PTGER4: variants seen among roughly 807,000 people sequenced by gnomAD.
PTGER4 encodes the protein prostaglandin E receptor 4, also known as prostaglandin E2 receptor EP4 subtype.
Under a neutral mutation model 33.2 loss-of-function variants are expected in PTGER4, and 11 were observed. That is an observed-to-expected ratio of 0.33 (90% CI 0.21 to 0.55). The LOEUF (loss-of-function observed/expected upper bound fraction) is 0.55, where lower values mean the gene tolerates loss of function less well. Ranked by LOEUF, PTGER4 falls within the 20% of genes least tolerant of loss-of-function variation. The probability of loss-of-function intolerance (pLI) is 0.92; values close to 1 mark genes in which losing one functional copy is unlikely to be tolerated. For synonymous variants in PTGER4, 275 were observed against 281.5 expected (o/e 0.98, Z 0.23); for missense variants, 481 against 650.2 (o/e 0.74, Z 2.83).
chr5:40,685,372 T>C (rs967804098), intron 2 of PTGER4: 2 of 984,444 alleles, frequency 2.0e-6, no homozygotes, highest in Non-Finnish European at 2.4e-6. Context: ...TGTAAATAGA[T>C]ATGCTTTTGT....
the PTGER4 span, among the ~76,000 whole-genome samples, chr5:40,722,749 C>T: frequency 1.2e-4 from 18 of 151,426 alleles, no homozygotes; most frequent in East Asian, 1.4e-3. Flanking sequence ...AGCCCCTGCC[C>T]GGCCAGACGC....
chr5:40,695,165 C>A (rs768128058), downstream of PTGER4, among the ~76,000 whole-genome samples: 2 of 152,188 alleles, frequency 1.3e-5, no homozygotes, highest in Non-Finnish European at 2.9e-5. Flanking sequence ...AATCTCAACA[C>A]TTTGGGAGGC....
At chr5:40,682,671 C>T (rs1741228795) in intron 2 of PTGER4, among the ~76,000 whole-genome samples, 1 of 152,150 alleles carries the variant, frequency 6.6e-6, no homozygotes, top group Admixed American at 6.5e-5. Flanking sequence ...TTTGAATTCT[C>T]GACAACTGTG....
chr5:40,706,576 A>C, the PTGER4 span, among the ~76,000 whole-genome samples: 2 of 148,926 alleles, frequency 1.3e-5, no homozygotes, highest in South Asian at 2.2e-4. Context: ...GAAATGGATC[A>C]TAGGCCTAAT....
At chr5:40,722,359 G>C in the PTGER4 span, among the ~76,000 whole-genome samples, 4 of 152,132 alleles carry the variant, frequency 2.6e-5, no homozygotes, top group Non-Finnish European at 5.9e-5. Context: ...GTCTCTGCCT[G>C]GCCGCCCATC....
At position 40,681,287 on chromosome 5, in the gene PTGER4, T is replaced by C. The variant is rs573611048; in HGVS notation, c.294T>C (p.Ile98=). Residue 98 remains isoleucine, a synonymous_variant, in exon 2 of 3, where the codon ATT becomes ATC. Coordinates refer to ENST00000302472, the MANE Select transcript of PTGER4 (RefSeq NM_000958.3). The surrounding 1 kb of genome is among the most constrained non-coding windows in gnomAD (Gnocchi z 9.8). ...CGCTGTGCGAGTACAGCACCTTCATTCTGCTCTTCTTCAGCCTGTCCGGCC... is the reference window on the plus strand; with the variant it reads ...CGCTGTGCGAGTACAGCACCTTCATCCTGCTCTTCTTCAGCCTGTCCGGCC... The part of the protein sequence containing the change: ...GQPLCEYSTF[I]LLFFSLSGLS... The C allele has an allele frequency of 1.2e-6, 2 of 1,614,178 alleles. No individual in the cohort carries two copies. Among genetic ancestry groups the C allele is most frequent in the East Asian group, 2.2e-5 (1 of 44,880 alleles).
At chr5:40,707,300 G>A in the PTGER4 span, among the ~76,000 whole-genome samples, 2,475 of 152,136 alleles carry the variant, frequency 0.016, 29 homozygotes, top group Middle Eastern at 0.027. Context: ...CACGTGCAGA[G>A]ACACACATAG....
the PTGER4 span, among the ~76,000 whole-genome samples, chr5:40,740,111 T>C: frequency 6.6e-6 from 1 of 152,158 alleles, no homozygotes; most frequent in African/African-American, 2.4e-5. Context: ...ATTACAATTG[T>C]TATATATTTA....
the PTGER4 span, among the ~76,000 whole-genome samples, chr5:40,722,210 G>A: frequency 9.2e-5 from 14 of 151,620 alleles, no homozygotes; most frequent in South Asian, 4.3e-4. Flanking sequence ...GTCTCAACTC[G>A]CTCACTCAGT....
the PTGER4 span, among the ~76,000 whole-genome samples, chr5:40,726,967 T>C: frequency 1.3e-5 from 2 of 152,180 alleles, no homozygotes; most frequent in African/African-American, 4.8e-5. Context: ...CAGTGCTAAA[T>C]GGCAAGAAAA....
chr5:40,685,857 T>G (rs1467604002), intron 2 of PTGER4, among the ~76,000 whole-genome samples: 1 of 152,186 alleles, frequency 6.6e-6, no homozygotes, highest in Non-Finnish European at 1.5e-5. Context: ...ATTGAATATC[T>G]CCTAACAAGA....
the PTGER4 span, among the ~76,000 whole-genome samples, chr5:40,736,319 G>T: frequency 6.6e-6 from 1 of 152,162 alleles, no homozygotes; most frequent in African/African-American, 2.4e-5. Flanking sequence ...CAGAATGTGG[G>T]TCACACAGCA....
At chr5:40,712,771 T>C in the PTGER4 span, among the ~76,000 whole-genome samples, 3 of 152,170 alleles carry the variant, frequency 2.0e-5, no homozygotes, top group South Asian at 6.2e-4. Flanking sequence ...TTAGAATTCC[T>C]TGGTAAATGG....
the PTGER4 span, among the ~76,000 whole-genome samples, chr5:40,732,922 C>A: frequency 4.6e-5 from 7 of 152,032 alleles, no homozygotes; most frequent in Non-Finnish European, 7.4e-5. Flanking sequence ...ATAACAGATT[C>A]TATCTACCTC....
At chr5:40,720,071 T>C in the PTGER4 span, among the ~76,000 whole-genome samples, 2 of 152,232 alleles carry the variant, frequency 1.3e-5, no homozygotes, top group African/African-American at 4.8e-5. Flanking sequence ...TTTTTTCTTT[T>C]GTTGTTTGTG....
the PTGER4 span, among the ~76,000 whole-genome samples, chr5:40,743,797 T>C: frequency 1.3e-5 from 2 of 152,190 alleles, no homozygotes. Context: ...TCTTTGTAGT[T>C]ATTTTCTAAA....
chr5:40,696,259 T>G (rs571879107), downstream of PTGER4, among the ~76,000 whole-genome samples: 1 of 152,324 alleles, frequency 6.6e-6, no homozygotes, highest in African/African-American at 2.4e-5. Flanking sequence ...CAAATGTTAA[T>G]GCAGAAAAAT....
chr5:40,719,474 C>T, the PTGER4 span, among the ~76,000 whole-genome samples: 1 of 152,040 alleles, frequency 6.6e-6, no homozygotes, highest in Non-Finnish European at 1.5e-5. Flanking sequence ...TGAGTTGTTT[C>T]CACTTCTTGG....
In PTGER4 at chr5:40,683,738, G is replaced by T. The variant is rs1038478205; in HGVS notation, c.867+1878G>T. On this transcript the variant is annotated intron_variant, in intron 2 of 2. Transcript: ENST00000302472. This position sits in a 1 kb window ranked among gnomAD's most constrained non-coding sequence, Gnocchi z 4.2. ...ATACAAGGCTTAATTCACCTCATAG[G>T]CTGAAGTGGTAGACCTGGACCTAAG... 6.6e-6 allele frequency among the ~76,000 whole-genome samples: 1 copy of T among 152,178 alleles called. No individual in the cohort carries two copies. Among genetic ancestry groups the T allele is most frequent in the African/African-American group, 2.4e-5 (1 of 41,450 alleles).
Sources: allele counts gnomAD v4.1 joint callset (sites outside exome capture counted in the v4.1 genomes callset), GRCh38; gene constraint gnomAD v4.1.1; non-coding constraint Gnocchi (gnomAD v3.1); transcripts MANE v1.5; gene names NCBI Gene and HGNC (gene_info 2026-07-23, HGNC 2026-07-21).